Variants in EPHA3 observed in about 807,000 individuals in gnomAD.
EPHA3 encodes ephrin type-A receptor 3.
A neutral mutation model predicts 107.1 loss-of-function variants in EPHA3; 42 were observed. The observed-to-expected ratio is 0.39, with a 90% CI of 0.31 to 0.51. EPHA3 has a LOEUF of 0.51. Ranked by LOEUF, EPHA3 falls within the 20% of genes least tolerant of loss-of-function variation. The pLI is 0.78. For missense variants in EPHA3, 1,183 were observed against 1,211.2 expected (o/e 0.98, Z 0.35); for synonymous variants, 461 against 424.8 (o/e 1.09, Z -1.05).
At chr3:89,234,791 C>CTTCCTTCCTTCCCTCCTCCTTTCT (rs1369227011) in intron 3 of EPHA3, among the ~76,000 whole-genome samples, 1 of 128,886 alleles carries the variant, frequency 7.8e-6, no homozygotes, top group Non-Finnish European at 1.6e-5. Flanking sequence ...TCCCTCCCTC[C>CTTCCTTCCTTCCCTCCTCCTTTCT]TTCCTTCCTT....
chr3:89,120,026 C>A (rs978614577), intron 1 of EPHA3, among the ~76,000 whole-genome samples: 2 of 152,026 alleles, frequency 1.3e-5, no homozygotes, highest in Non-Finnish European at 2.9e-5. Context: ...ATCTGGATGT[C>A]GATATTCTAC....
At chr3:89,382,336 T>C (rs1708526909) in intron 5 of EPHA3, among the ~76,000 whole-genome samples, 1 of 151,716 alleles carries the variant, frequency 6.6e-6, no homozygotes, top group Non-Finnish European at 1.5e-5. Context: ...GGTGAAGCCT[T>C]GTCTCTAGTA....
chr3:89,197,088 A>C (rs1290872972), intron 2 of EPHA3, among the ~76,000 whole-genome samples: 1 of 152,124 alleles, frequency 6.6e-6, no homozygotes, highest in East Asian at 1.9e-4. Flanking sequence ...ACCCTTTACT[A>C]AATTTCCATT....
At chr3:89,376,499 T>C (rs1408810407) in intron 5 of EPHA3, among the ~76,000 whole-genome samples, 1 of 151,988 alleles carries the variant, frequency 6.6e-6, no homozygotes, top group African/African-American at 2.4e-5. Flanking sequence ...CTATATCAAC[T>C]GTGAATAAAT....
chr3:89,269,257 G>A (rs1030359234), intron 3 of EPHA3, among the ~76,000 whole-genome samples: 3 of 152,044 alleles, frequency 2.0e-5, no homozygotes, highest in Admixed American at 6.6e-5. Flanking sequence ...ACTTTATTAT[G>A]ACATGTCCAT....
At chr3:89,131,582 T>G (rs373471702) in intron 2 of EPHA3, among the ~76,000 whole-genome samples, 3 of 152,146 alleles carry the variant, frequency 2.0e-5, no homozygotes, top group Non-Finnish European at 4.4e-5. Flanking sequence ...TAGTATAGTA[T>G]TGATATTGTG....
chr3:89,346,694 T>C (rs978932445), intron 5 of EPHA3, among the ~76,000 whole-genome samples: 35 of 151,072 alleles, frequency 2.3e-4, no homozygotes, highest in African/African-American at 8.2e-4. Flanking sequence ...TCCTTGCCCA[T>C]GCCTATGTCC....
rs1240808566 is a variant in EPHA3, at chr3:89,432,515, C to T, written c.2346+1156C>T. On this transcript the variant is annotated intron_variant, in intron 13 of 16. Transcript: ENST00000336596. ...ATTCTCCCGGGCTCAAGTGATCCTC[C>T]CTCCTCAGCCTGCTGAGTAGCTGGG... Among the ~76,000 whole-genome samples, 10 of 152,100 alleles carry T rather than the reference C, an allele frequency of 6.6e-5. No homozygotes were observed. In the East Asian group the frequency reaches 1.9e-3, roughly 29 times the overall value.
chr3:89,480,432 C>T lies in EPHA3; in HGVS notation c.*930C>T. On this transcript the variant is annotated 3_prime_UTR_variant, in exon 17 of 17. Transcript: ENST00000336596. ...CTCACAACTTAGTGTAATATACCAG[C>T]TTGTATGCAATGGATTTTCAACCAG... is the stretch of plus-strand genomic sequence containing the variant. The T allele has an allele frequency of 4.3e-6, 1 of 233,286 alleles. No homozygotes were observed. The highest frequency in any genetic ancestry group is 8.5e-6 in the Non-Finnish European group (1 of 117,836). 14.5% of individuals were successfully genotyped at this position (233,286 alleles called of 1,614,324 possible).
intron 2 of EPHA3, among the ~76,000 whole-genome samples, chr3:89,154,608 T>C (rs1273210586): frequency 6.6e-6 from 1 of 151,734 alleles, no homozygotes. Flanking sequence ...ATTAATTATA[T>C]AAATCATGTG....
At chr3:89,256,845 C>T (rs1309144724) in intron 3 of EPHA3, among the ~76,000 whole-genome samples, 1 of 152,064 alleles carries the variant, frequency 6.6e-6, no homozygotes, top group Non-Finnish European at 1.5e-5. Context: ...CACTTTATAC[C>T]ATACGGTAAT....
At chr3:89,267,207 C>G (rs1187003441) in intron 3 of EPHA3, among the ~76,000 whole-genome samples, 1 of 151,950 alleles carries the variant, frequency 6.6e-6, no homozygotes, top group East Asian at 1.9e-4. Flanking sequence ...GCTTACCTTG[C>G]CAAATGTTCC....
At chr3:89,134,107 C>T (rs781068653) in intron 2 of EPHA3, among the ~76,000 whole-genome samples, 1 of 151,706 alleles carries the variant, frequency 6.6e-6, no homozygotes, top group Non-Finnish European at 1.5e-5. Context: ...CTTCAAATGC[C>T]GAACAACCGC....
At position 89,134,463 on chromosome 3, in the gene EPHA3, C is replaced by T. The variant is rs564749412; in HGVS notation, c.153+7190C>T. ...GTTCCCACCTATGAGTGAGAACGTG[C>T]GATGTTTGGTTTTTTGTCCTTGCGA... On this transcript the variant is annotated intron_variant, in intron 2 of 16. Transcript: ENST00000336596. Among the ~76,000 whole-genome samples, 22 of 151,936 alleles carry T rather than the reference C, an allele frequency of 1.4e-4. No homozygotes were observed. The South Asian group carries it at 2.1e-3, about 14-fold the overall frequency.
intron 3 of EPHA3, among the ~76,000 whole-genome samples, chr3:89,276,161 A>G (rs1477615982): frequency 6.6e-6 from 1 of 152,018 alleles, no homozygotes; most frequent in African/African-American, 2.4e-5. Context: ...TATACAGGTA[A>G]TTTCTCCCCC....
chr3:89,210,600 C>A, intron 3 of EPHA3, 80 bp downstream of exon 3: 1 of 1,411,764 alleles, frequency 7.1e-7, no homozygotes, highest in Non-Finnish European at 9.5e-7. Context: ...GAAATGCACT[C>A]AGTCTCAACT....
At chr3:89,350,354 C>T (rs1384229163) in intron 5 of EPHA3, among the ~76,000 whole-genome samples, 1 of 151,248 alleles carries the variant, frequency 6.6e-6, no homozygotes, top group Admixed American at 6.6e-5. Context: ...CTTCTCACTT[C>T]ATTTCATTCA....
intron 1 of EPHA3, among the ~76,000 whole-genome samples, chr3:89,125,793 CATTTA>C (rs1453599052): frequency 6.6e-6 from 1 of 151,478 alleles, no homozygotes; most frequent in Non-Finnish European, 1.5e-5. Context: ...TACTTTTACC[CATTTA>C]ATTTATTTAT....
chr3:89,128,100 G>A (rs1327674841), intron 2 of EPHA3, among the ~76,000 whole-genome samples: 1 of 152,054 alleles, frequency 6.6e-6, no homozygotes, highest in African/African-American at 2.4e-5. Flanking sequence ...ACAAATTTAT[G>A]TATTCCTGTC....
Sources: allele counts gnomAD v4.1 joint callset (sites outside exome capture counted in the v4.1 genomes callset), GRCh38; gene constraint gnomAD v4.1.1; transcripts MANE v1.5; gene names NCBI Gene and HGNC (gene_info 2026-07-23, HGNC 2026-07-21).